CCDC198: variants seen among roughly 807,000 people sequenced by gnomAD.
The protein encoded by CCDC198 is coiled-coil domain containing 198.
A neutral mutation model predicts 35.6 loss-of-function variants in CCDC198; 18 were observed. That is an observed-to-expected ratio of 0.51 (90% CI 0.35 to 0.75). The LOEUF (loss-of-function observed/expected upper bound fraction) is 0.75. CCDC198 is among the 30% of genes least tolerant of loss of function. The probability of loss-of-function intolerance (pLI) is 0.01; values close to 1 mark genes in which losing one functional copy is unlikely to be tolerated. For missense variants in CCDC198, 365 were observed against 343.7 expected, an observed-to-expected ratio of 1.06 and a Z score of -0.49; for synonymous variants, 119 against 113.4, an observed-to-expected ratio of 1.05 and a Z score of -0.31.
intron 5 of CCDC198, among the ~76,000 whole-genome samples, chr14:57,476,919 A>C (rs1566575095): frequency 6.6e-6 from 1 of 152,246 alleles, no homozygotes; most frequent in Non-Finnish European, 1.5e-5. Flanking sequence ...GGGAATAAGC[A>C]AAAAGGAATC....
At chr14:57,481,504 G>A in intron 4 of CCDC198, 55 bp downstream of exon 4, 2 of 1,178,866 alleles carry the variant, frequency 1.7e-6, no homozygotes, top group Non-Finnish European at 2.5e-6. Flanking sequence ...TCATGTGGCA[G>A]GGCAGTGATT....
intron 2 of CCDC198, among the ~76,000 whole-genome samples, chr14:57,490,173 G>A (rs2067513800): frequency 6.6e-6 from 1 of 152,076 alleles, no homozygotes; most frequent in African/African-American, 2.4e-5. Context: ...GTAGCAGGTG[G>A]GATTTGGCTT....
rs758342305 is a variant in CCDC198, at chr14:57,490,970, C to T, written c.306+19G>A. ...TTTATCCAAGAAATTCCTTATGAAG[C>T]CTTTTAAATTCATCTTACTTGAAGT... On this transcript the variant is annotated intron_variant, in intron 2 of 5. Coordinates refer to ENST00000216445, the MANE Select transcript of CCDC198 (RefSeq NM_018168.4). The T allele has an allele frequency of 6.5e-7, 1 of 1,529,490 alleles. No homozygotes were observed. The highest frequency in any genetic ancestry group is 9.0e-7 in the Non-Finnish European group (1 of 1,106,064). The allele number at this position is 1,529,490 out of a possible 1,614,324, so 94.7% of individuals were successfully genotyped here. A position where few individuals can be genotyped will look rare whatever the true frequency, so the allele number is the denominator to read the frequency against.
rs532189941 is a variant in CCDC198, at chr14:57,473,142, T to G, written c.656-1552A>C. On this transcript the variant is annotated intron_variant, in intron 5 of 5. Transcript: ENST00000216445. Reference sequence around the variant, plus strand: ...AGCCTGGTGAGTTGGAAACAAGCATTTTAATGTGAGAATTCATGCCTTGTG... The same window carrying G: ...AGCCTGGTGAGTTGGAAACAAGCATGTTAATGTGAGAATTCATGCCTTGTG... 2.6e-5 allele frequency among the ~76,000 whole-genome samples: 4 copies of G among 152,316 alleles called. 1 individual carries two copies. The highest frequency in any genetic ancestry group is 9.6e-5 in the African/African-American group (4 of 41,574).
intron 1 of CCDC198, among the ~76,000 whole-genome samples, chr14:57,492,233 T>C (rs1392211849): frequency 6.6e-6 from 1 of 152,058 alleles, no homozygotes; most frequent in Non-Finnish European, 1.5e-5. Context: ...TGGTATTTGA[T>C]GGAGCTGGGG....
chr14:57,492,699 A>G (rs1443473341), intron 1 of CCDC198, among the ~76,000 whole-genome samples: 2 of 152,144 alleles, frequency 1.3e-5, no homozygotes, highest in East Asian at 3.8e-4. Flanking sequence ...AGGCTTTCTG[A>G]ACAAGGCATC....
chr14:57,475,057 C>G (rs995295461), intron 5 of CCDC198, among the ~76,000 whole-genome samples: 2 of 152,004 alleles, frequency 1.3e-5, no homozygotes, highest in Non-Finnish European at 1.5e-5. Flanking sequence ...GTCAGGAGAT[C>G]GAGACCATCT....
At chr14:57,486,928 A>G (rs1318334071) in intron 2 of CCDC198, among the ~76,000 whole-genome samples, 1 of 152,184 alleles carries the variant, frequency 6.6e-6, no homozygotes, top group Non-Finnish European at 1.5e-5. Context: ...AAGGAATCAC[A>G]CTATTCCTTC....
intron 2 of CCDC198, among the ~76,000 whole-genome samples, chr14:57,489,014 C>T (rs528463087): frequency 6.6e-5 from 10 of 152,154 alleles, no homozygotes; most frequent in South Asian, 2.1e-4. Flanking sequence ...CCAGCAATCC[C>T]GTTACTGGGT....
At chr14:57,487,332 C>T (rs2067399192) in intron 2 of CCDC198, among the ~76,000 whole-genome samples, 1 of 152,042 alleles carries the variant, frequency 6.6e-6, no homozygotes, top group South Asian at 2.1e-4. Flanking sequence ...TGGTGAAGGG[C>T]CAGGGGACTC....
chr14:57,481,741 CAG>C, intron 3 of CCDC198, 81 bp from the exon 4 acceptor site: 2 of 878,888 alleles, frequency 2.3e-6, no homozygotes, highest in Middle Eastern at 3.5e-4. Context: ...CTTTTTGAAA[CAG>C]AGTCAGATCT....
intron 5 of CCDC198, chr14:57,475,344 G>C (rs1261650028): frequency 4.1e-6 from 4 of 973,896 alleles, no homozygotes; most frequent in Non-Finnish European, 4.9e-6. Context: ...TATAGAAAGA[G>C]TGCAGGTGGC....
chr14:57,472,862 A>C (rs2066863975), intron 5 of CCDC198, among the ~76,000 whole-genome samples: 1 of 152,212 alleles, frequency 6.6e-6, no homozygotes, highest in South Asian at 2.1e-4. Flanking sequence ...TTTGGAGCTG[A>C]AACAAAAATC....
intron 2 of CCDC198, among the ~76,000 whole-genome samples, chr14:57,485,122 G>C (rs2067314967): frequency 6.6e-6 from 1 of 152,200 alleles, no homozygotes; most frequent in Admixed American, 6.5e-5. Context: ...GTGTGCAATA[G>C]ATTGAGTTTG....
chr14:57,479,754 C>T (rs1233743349), intron 5 of CCDC198, among the ~76,000 whole-genome samples: 1 of 152,176 alleles, frequency 6.6e-6, no homozygotes, highest in Admixed American at 6.5e-5. Context: ...ACCCAGAGTA[C>T]TGGGCATAAC....
chr14:57,490,457 A>T (rs181049768), intron 2 of CCDC198, among the ~76,000 whole-genome samples: 94 of 152,310 alleles, frequency 6.2e-4, no homozygotes, highest in African/African-American at 2.1e-3. Context: ...TATAGAAATT[A>T]CTTATGCTGA....
At chr14:57,479,369 A>G (rs1275481242) in intron 5 of CCDC198, among the ~76,000 whole-genome samples, 1 of 152,172 alleles carries the variant, frequency 6.6e-6, no homozygotes, top group Non-Finnish European at 1.5e-5. Context: ...GACTACGGGC[A>G]TGAGTCACCA....
intron 5 of CCDC198, among the ~76,000 whole-genome samples, chr14:57,477,979 T>A (rs2139486027): frequency 6.6e-6 from 1 of 152,262 alleles, no homozygotes. Context: ...ATTACAGGCA[T>A]GACTGGGTGT....
chr14:57,480,566 G>A (rs372977413), intron 5 of CCDC198, 29 bp downstream of exon 5: 15 of 1,607,260 alleles, frequency 9.3e-6, no homozygotes, highest in Non-Finnish European at 1.3e-5. Context: ...CACTTGAAAT[G>A]TTTTACTAAA....
Sources: allele counts gnomAD v4.1 joint callset (sites outside exome capture counted in the v4.1 genomes callset), GRCh38; gene constraint gnomAD v4.1.1; transcripts MANE v1.5; gene names NCBI Gene and HGNC (gene_info 2026-07-23, HGNC 2026-07-21).